Variants in TNRC6B observed in about 807,000 individuals in gnomAD.
TNRC6B encodes the protein trinucleotide repeat-containing gene 6B protein.
In TNRC6B, 52 loss-of-function variants were observed where a neutral mutation model predicts 203.6. The observed-to-expected ratio is 0.26, with a 90% confidence interval of 0.20 to 0.32. The LOEUF (loss-of-function observed/expected upper bound fraction) is 0.32, where lower values mean the gene tolerates loss of function less well. Among genes scored for constraint, TNRC6B ranks in the 10% least tolerant of loss-of-function variants. The pLI is 1.00. For synonymous variants in TNRC6B, 838 were observed against 845.7 expected (o/e 0.99, Z 0.16); for missense variants, 1,923 against 2,286.2 (o/e 0.84, Z 3.24).
intron 1 of TNRC6B, among the ~76,000 whole-genome samples, chr22:40,193,430 A>G (rs1252290345): frequency 6.6e-6 from 1 of 152,210 alleles, no homozygotes; most frequent in African/African-American, 2.4e-5. Context: ...AGCAGTGAGC[A>G]AAAATAGATT....
intron 1 of TNRC6B, among the ~76,000 whole-genome samples, chr22:40,080,496 A>G (rs995058329): frequency 1.1e-4 from 17 of 152,330 alleles, no homozygotes; most frequent in Admixed American, 8.5e-4. Context: ...CTATTTAAAC[A>G]CAACATTAAA....
intron 1 of TNRC6B, among the ~76,000 whole-genome samples, chr22:40,050,116 A>G (rs1475324302): frequency 6.6e-6 from 1 of 152,052 alleles, no homozygotes; most frequent in Non-Finnish European, 1.5e-5. Flanking sequence ...TGTTATTTCA[A>G]ACCTGGAATC....
At chr22:40,165,025 G>A (rs1252410251) in intron 4 of TNRC6B, among the ~76,000 whole-genome samples, 15 of 149,850 alleles carry the variant, frequency 1.0e-4, no homozygotes, top group Non-Finnish European at 1.9e-4. Context: ...CAGATGATCC[G>A]CCTGCCTCAG....
rs746928822 is a variant in TNRC6B at position 40,322,918 on chromosome 22, C to G, written c.5179C>G (p.Leu1727Val). 4 of 1,613,968 alleles carry G rather than the reference C, an allele frequency of 2.5e-6. No individual in the cohort carries two copies. The highest frequency in any genetic ancestry group is 1.7e-6 in the Non-Finnish European group (2 of 1,179,872). The change falls in exon 23 of 23, where the codon CTG (leucine) becomes GTG (valine). Residue 1727 changes from leucine to valine, a missense_variant. This residue lies in a region of TNRC6B where 34 missense variants were observed against 98.5 expected (regional missense o/e 0.35). Coordinates refer to ENST00000454349, the MANE Select transcript of TNRC6B (RefSeq NM_001162501.2). ...FATDDEVSRF[L>V]AQAQPPTPAA... ...CACTGATGATGAAGTCAGCCGCTTT[C>G]TGGCACAAGCTCAGCCCCCTACACC...
At chr22:40,287,536 C>G (rs934534831) in intron 12 of TNRC6B, among the ~76,000 whole-genome samples, 1 of 152,178 alleles carries the variant, frequency 6.6e-6, no homozygotes, top group Non-Finnish European at 1.5e-5. Context: ...CACCTCTCCT[C>G]TTCTTTCCCT....
At chr22:40,314,927 G>A (rs2071236917) in intron 19 of TNRC6B, among the ~76,000 whole-genome samples, 1 of 152,164 alleles carries the variant, frequency 6.6e-6, no homozygotes, top group Admixed American at 6.5e-5. Flanking sequence ...TTCTGCTAAT[G>A]TTCACATTCT....
intron 2 of TNRC6B, among the ~76,000 whole-genome samples, chr22:40,249,511 A>G (rs2070154415): frequency 6.6e-6 from 1 of 152,192 alleles, no homozygotes; most frequent in Non-Finnish European, 1.5e-5. Context: ...TGATGCTGCT[A>G]AAGGAGCATT....
chr22:40,173,234 C>G (rs1225710451), upstream of TNRC6B, among the ~76,000 whole-genome samples: 2 of 151,930 alleles, frequency 1.3e-5, no homozygotes, highest in Admixed American at 6.6e-5. Flanking sequence ...GTAGCTGGGA[C>G]TACAGGTGCG....
chr22:40,272,474 G>T (rs2070577797), intron 6 of TNRC6B, among the ~76,000 whole-genome samples: 1 of 152,216 alleles, frequency 6.6e-6, no homozygotes, highest in Non-Finnish European at 1.5e-5. Flanking sequence ...ATAAAGCTAT[G>T]TACAAATCAG....
intron 21 of TNRC6B, among the ~76,000 whole-genome samples, chr22:40,319,258 C>G (rs2071301986): frequency 6.6e-6 from 1 of 151,300 alleles, no homozygotes; most frequent in East Asian, 1.9e-4. Context: ...GAGACCCCCC[C>G]CATCTCTGAA....
At chr22:40,289,295 A>AG (rs1487349896) in intron 12 of TNRC6B, among the ~76,000 whole-genome samples, 22 of 152,140 alleles carry the variant, frequency 1.4e-4, no homozygotes, top group Non-Finnish European at 3.2e-4. Flanking sequence ...AAAGAAAAAA[A>AG]GAGGAAGGGA....
At chr22:40,124,869 C>T (rs770813586) in intron 2 of TNRC6B, among the ~76,000 whole-genome samples, 3 of 151,820 alleles carry the variant, frequency 2.0e-5, no homozygotes, top group Non-Finnish European at 2.9e-5. Flanking sequence ...AAAAATCGGC[C>T]GGGTGTGGTG....
intron 3 of TNRC6B, among the ~76,000 whole-genome samples, chr22:40,254,708 A>T (rs984552591): frequency 1.3e-5 from 2 of 152,314 alleles, no homozygotes; most frequent in East Asian, 1.9e-4. Context: ...TAACACAGTG[A>T]AACTCTGTCT....
At chr22:40,108,142 G>A (rs1298895121) in intron 1 of TNRC6B, among the ~76,000 whole-genome samples, 1 of 152,170 alleles carries the variant, frequency 6.6e-6, no homozygotes, top group African/African-American at 2.4e-5. Flanking sequence ...GGGAAGCCAT[G>A]GCAAGGCAGT....
chr22:40,058,405 TTAGCACAATG>T (rs2067819112), intron 1 of TNRC6B, among the ~76,000 whole-genome samples: 6 of 107,268 alleles, frequency 5.6e-5, no homozygotes, highest in African/African-American at 2.8e-4. Flanking sequence ...TCAATGTGCT[TTAGCACAATG>T]TGCTTTAGCA....
chr22:40,205,354 C>G (rs1252836936), intron 1 of TNRC6B, among the ~76,000 whole-genome samples: 2 of 152,166 alleles, frequency 1.3e-5, no homozygotes, highest in Non-Finnish European at 2.9e-5. Flanking sequence ...AAAGGGATTA[C>G]TTGGTATTGG....
intron 1 of TNRC6B, among the ~76,000 whole-genome samples, chr22:40,116,691 G>A (rs566922645): frequency 6.6e-6 from 1 of 152,286 alleles, no homozygotes; most frequent in Admixed American, 6.5e-5. Context: ...GGGGTTGGGT[G>A]AGAAATTCAT....
At chr22:40,064,815 C>G (rs2067882182) in intron 1 of TNRC6B, among the ~76,000 whole-genome samples, 1 of 152,020 alleles carries the variant, frequency 6.6e-6, no homozygotes, top group Non-Finnish European at 1.5e-5. Flanking sequence ...CAGGGTTTCA[C>G]CATGTTGGCC....
At chr22:40,254,949 A>G (rs1241378599) in intron 3 of TNRC6B, among the ~76,000 whole-genome samples, 3 of 152,174 alleles carry the variant, frequency 2.0e-5, no homozygotes, top group African/African-American at 7.2e-5. Flanking sequence ...AGGGATTTAC[A>G]CTTCCTGCAC....
Sources: allele counts gnomAD v4.1 joint callset (sites outside exome capture counted in the v4.1 genomes callset), GRCh38; gene constraint gnomAD v4.1.1; regional missense constraint gnomAD v4.1.1; transcripts MANE v1.5; gene names NCBI Gene and HGNC (gene_info 2026-07-23, HGNC 2026-07-21).